Variants in CLNK observed in about 807,000 individuals in gnomAD.
CLNK encodes the protein cytokine-dependent hematopoietic cell linker.
CLNK carries 74 observed loss-of-function variants against 68.6 expected under a neutral mutation model. The ratio of observed to expected loss-of-function variants is 1.08; its 90% CI spans 0.89 to 1.31. CLNK has a LOEUF of 1.31. Among genes scored for constraint, CLNK ranks in the 50% most tolerant of loss-of-function variants. The pLI, the probability that CLNK is intolerant of heterozygous loss-of-function variation, is 0.00. For synonymous variants in CLNK, 198 were observed against 172.2 expected, an observed-to-expected ratio of 1.15 and a Z score of -1.17; for missense variants, 553 against 515.3, an observed-to-expected ratio of 1.07 and a Z score of -0.71.
At chr4:10,537,733 T>C (rs1312104162) in intron 11 of CLNK, among the ~76,000 whole-genome samples, 1 of 134,822 alleles carries the variant, frequency 7.4e-6, no homozygotes, top group Admixed American at 8.0e-5. Context: ...CTTTCTTTCT[T>C]TCTTCCTTTC....
chr4:10,532,258 C>G lies in CLNK; in HGVS notation c.628G>C (p.Glu210Gln). 2 of 1,610,272 alleles carry G rather than the reference C, an allele frequency of 1.2e-6. No individual in the cohort carries two copies. Among genetic ancestry groups the G allele is most frequent in the African/African-American group, 2.7e-5 (2 of 74,996 alleles). ...CCAAGGATAAAATTGCTACTTACCTCACTTAAGTCCCTTAAGCTTATCTGA... is the reference window on the plus strand; with the variant it reads ...CCAAGGATAAAATTGCTACTTACCTGACTTAAGTCCCTTAAGCTTATCTGA... ...PSQISLRDLS[E>Q]VLEAEKVPHN... is the part of the protein sequence containing the mutation. Residue 210 changes from glutamate (E) to glutamine (Q), a missense_variant and splice_region_variant, in exon 12 of 19, where the codon GAG becomes CAG. Coordinates refer to ENST00000226951, the MANE Select transcript of CLNK (RefSeq NM_052964.4).
At chr4:10,574,671 C>A (rs1720485998) in intron 4 of CLNK, among the ~76,000 whole-genome samples, 2 of 152,174 alleles carry the variant, frequency 1.3e-5, no homozygotes, top group Admixed American at 1.3e-4. Context: ...CCAATATCTG[C>A]CTCCAAAGAA....
intron 1 of CLNK, among the ~76,000 whole-genome samples, chr4:10,669,836 G>A (rs1724558124): frequency 6.6e-6 from 1 of 152,150 alleles, no homozygotes; most frequent in South Asian, 2.1e-4. Flanking sequence ...TTCATTCACT[G>A]ATGGCCCACT....
chr4:10,610,958 C>T (rs538831408), intron 2 of CLNK, among the ~76,000 whole-genome samples: 54 of 152,140 alleles, frequency 3.5e-4, no homozygotes, highest in African/African-American at 1.0e-3. Context: ...CCGAGGCAGG[C>T]GGATCACTTG....
In CLNK at chr4:10,508,214, C is replaced by A. The variant is rs1385790087; in HGVS notation, c.907-178G>T. Reference sequence around the variant, plus strand: ...TGGAGAAGCCCACAGATGCTTGGGGCAGAGAGACAGAAAAAGTTACTGCAG... The same window carrying A: ...TGGAGAAGCCCACAGATGCTTGGGGAAGAGAGACAGAAAAAGTTACTGCAG... On this transcript the variant is annotated intron_variant, in intron 16 of 18. Transcript: ENST00000226951. 6.6e-6 allele frequency among the ~76,000 whole-genome samples: 1 copy of A among 152,180 alleles called. No homozygotes were observed. Among genetic ancestry groups the A allele is most frequent in the Non-Finnish European group, 1.5e-5 (1 of 68,022 alleles).
At chr4:10,709,310 G>C in the CLNK span, among the ~76,000 whole-genome samples, 1 of 152,176 alleles carries the variant, frequency 6.6e-6, no homozygotes, top group Non-Finnish European at 1.5e-5. Flanking sequence ...AAGTGTTCAA[G>C]GGCCAAACGT....
At chr4:10,551,926 C>A (rs548004930) in intron 8 of CLNK, among the ~76,000 whole-genome samples, 10 of 151,236 alleles carry the variant, frequency 6.6e-5, no homozygotes, top group African/African-American at 2.2e-4. Flanking sequence ...CGTCTCACTG[C>A]AACCTCTGCC....
chr4:10,550,310 GGTGAAACCCT>G (rs1175009298), intron 8 of CLNK, among the ~76,000 whole-genome samples: 2 of 152,174 alleles, frequency 1.3e-5, no homozygotes, highest in East Asian at 3.9e-4. Context: ...TGGCTAACAT[GGTGAAACCCT>G]GTCTCTACTA....
At chr4:10,512,162 T>C (rs965837335) in intron 16 of CLNK, among the ~76,000 whole-genome samples, 1 of 151,942 alleles carries the variant, frequency 6.6e-6, no homozygotes, top group Non-Finnish European at 1.5e-5. Context: ...GTGATCCCCA[T>C]GTTTACGAAG....
rs114079885 is a variant in CLNK, at chr4:10,656,180, G to A, written c.11+11679C>T. ...AATACACAAAATGAATGAATCATAA[G>A]GAAAAGTTCGCTATGACTCATTGAC... On this transcript the variant is annotated intron_variant, in intron 2 of 18. Transcript: ENST00000226951. Among the ~76,000 whole-genome samples, 254 of 151,944 alleles carry A rather than the reference G, an allele frequency of 1.7e-3. 5 individuals carry two copies. The highest frequency in any genetic ancestry group is 1.8e-3 in the Non-Finnish European group (123 of 67,960).
At chr4:10,688,141 C>T (rs182632193), upstream of CLNK, among the ~76,000 whole-genome samples, 4 of 152,282 alleles carry the variant, frequency 2.6e-5, no homozygotes, top group South Asian at 2.1e-4. Context: ...CATTAGCCCG[C>T]TTGGCTTTTG....
intron 10 of CLNK, among the ~76,000 whole-genome samples, chr4:10,541,421 G>A (rs1301455958): frequency 6.6e-6 from 1 of 151,866 alleles, no homozygotes; most frequent in Non-Finnish European, 1.5e-5. Context: ...AGAGAGAGAT[G>A]AAGAAATGAT....
chr4:10,732,088 C>G, the CLNK span, among the ~76,000 whole-genome samples: 1 of 152,104 alleles, frequency 6.6e-6, no homozygotes, highest in African/African-American at 2.4e-5. Context: ...ACAAAAATGA[C>G]CTCAAGATTA....
chr4:10,556,237 C>T (rs1974584), intron 8 of CLNK, among the ~76,000 whole-genome samples: 61,659 of 152,112 alleles, frequency 0.41, 14,325 homozygotes, highest in Non-Finnish European at 0.53. Flanking sequence ...ATGGGAAATT[C>T]ATACCACATA....
At chr4:10,521,108 T>G (rs1401554510) in intron 14 of CLNK, among the ~76,000 whole-genome samples, 2 of 152,240 alleles carry the variant, frequency 1.3e-5, no homozygotes, top group Non-Finnish European at 1.5e-5. Flanking sequence ...CTTTACTTTT[T>G]GAAGCCATGA....
the CLNK span, among the ~76,000 whole-genome samples, chr4:10,710,760 C>T: frequency 1.3e-5 from 2 of 152,188 alleles, no homozygotes; most frequent in Non-Finnish European, 2.9e-5. Context: ...CAGACATTAC[C>T]TGTTCATGCC....
chr4:10,512,733 T>C (rs1717645684), intron 16 of CLNK, among the ~76,000 whole-genome samples: 1 of 151,860 alleles, frequency 6.6e-6, no homozygotes, highest in South Asian at 2.1e-4. Context: ...GGATATGGGA[T>C]GGAGACCTGG....
At chr4:10,694,386 T>A in the CLNK span, among the ~76,000 whole-genome samples, 71 of 152,158 alleles carry the variant, frequency 4.7e-4, no homozygotes, top group Admixed American at 1.0e-3. Flanking sequence ...TGCACAGTCA[T>A]GCACTGCCTA....
chr4:10,604,357 A>G (rs182825296), intron 2 of CLNK, among the ~76,000 whole-genome samples: 1 of 152,284 alleles, frequency 6.6e-6, no homozygotes, highest in East Asian at 1.9e-4. Context: ...TGTTCATTCC[A>G]TTTGATCCCT....
Sources: allele counts gnomAD v4.1 joint callset (sites outside exome capture counted in the v4.1 genomes callset), GRCh38; gene constraint gnomAD v4.1.1; transcripts MANE v1.5; gene names NCBI Gene and HGNC (gene_info 2026-07-23, HGNC 2026-07-21).